POU2F3: variants seen among roughly 807,000 people sequenced by gnomAD.
The protein encoded by POU2F3 is POU class 2 homeobox 3.
In POU2F3, 23 loss-of-function variants were observed where a neutral mutation model predicts 59.2. That is an observed-to-expected ratio of 0.39 (90% confidence interval 0.28 to 0.55). The LOEUF is 0.55. Ranked by LOEUF, POU2F3 falls within the 20% of genes least tolerant of loss-of-function variation. The probability of loss-of-function intolerance (pLI) is 0.66; values close to 1 mark genes in which losing one functional copy is unlikely to be tolerated. For missense variants in POU2F3, 473 were observed against 544.5 expected (o/e 0.87, Z 1.31); for synonymous variants, 190 against 214.6 (o/e 0.89, Z 1.00).
At chr11:120,288,983 C>T (rs1318727062) in intron 3 of POU2F3, among the ~76,000 whole-genome samples, 1 of 152,158 alleles carries the variant, frequency 6.6e-6, no homozygotes, top group African/African-American at 2.4e-5. Context: ...TGAACTGTAA[C>T]ATTCTATATA....
intron 2 of POU2F3, among the ~76,000 whole-genome samples, chr11:120,267,873 G>C (rs73578212): frequency 3.2e-4 from 48 of 152,136 alleles, no homozygotes; most frequent in African/African-American, 1.0e-3. Flanking sequence ...ACCGTATTTA[G>C]TAAATAATTA....
rs562418549 is a variant in POU2F3, at chr11:120,269,301, A to G, written c.132+57A>G. 6 of 1,381,196 alleles carry G rather than the reference A, an allele frequency of 4.3e-6. No homozygotes were observed. In the East Asian group the frequency reaches 6.9e-5, roughly 16 times the overall value. 85.6% of individuals were successfully genotyped at this position (1,381,196 alleles called of 1,614,324 possible). A position where few individuals can be genotyped will look rare whatever the true frequency, so the allele number is the denominator to read the frequency against. On this transcript the variant is annotated intron_variant, in intron 3 of 12. Coordinates refer to ENST00000543440, the MANE Select transcript of POU2F3 (RefSeq NM_014352.4). ...TCTATAAAATTTGGGCATCACCTAT[A>G]CTGTCTGGTATGGAGGAAGACAAGA...
chr11:120,288,904 C>G (rs970815803), intron 3 of POU2F3, among the ~76,000 whole-genome samples: 2 of 137,758 alleles, frequency 1.5e-5, no homozygotes, highest in Non-Finnish European at 3.3e-5. Context: ...GATAATGTAC[C>G]TTTAAACCTC....
chr11:120,241,344 G>C (rs907627396), intron 1 of POU2F3, among the ~76,000 whole-genome samples: 1 of 152,206 alleles, frequency 6.6e-6, no homozygotes, highest in African/African-American at 2.4e-5. Flanking sequence ...AGGAGGCAAT[G>C]CTCCAGACCC....
chr11:120,299,758 A>G, intron 5 of POU2F3, 32 bp downstream of exon 5: 1 of 1,568,216 alleles, frequency 6.4e-7, no homozygotes, highest in Non-Finnish European at 8.7e-7. Flanking sequence ...ACCTAGACCA[A>G]GTCCAGTCAA....
chr11:120,311,373 A>C (rs760264965), intron 10 of POU2F3, among the ~76,000 whole-genome samples: 14 of 152,104 alleles, frequency 9.2e-5, no homozygotes, highest in Non-Finnish European at 1.6e-4. Flanking sequence ...CCAGCAGAGA[A>C]AGACTGAGGG....
chr11:120,287,301 C>T (rs1481956828), intron 3 of POU2F3, among the ~76,000 whole-genome samples: 1 of 152,168 alleles, frequency 6.6e-6, no homozygotes, highest in East Asian at 1.9e-4. Flanking sequence ...TATGCGAGGA[C>T]TGTCAAACGT....
intron 10 of POU2F3, among the ~76,000 whole-genome samples, chr11:120,311,497 A>C (rs57079746): frequency 3.0e-4 from 46 of 152,312 alleles, no homozygotes; most frequent in Middle Eastern, 3.4e-3. Flanking sequence ...GATGAAGAAA[A>C]GGGAATCCTC....
intron 3 of POU2F3, among the ~76,000 whole-genome samples, chr11:120,286,284 T>C (rs778753763): frequency 1.3e-5 from 2 of 152,216 alleles, no homozygotes; most frequent in African/African-American, 4.8e-5. Flanking sequence ...ATGAACTCCT[T>C]GAATTCGTTT....
chr11:120,290,359 T>C (rs998698664), intron 3 of POU2F3, among the ~76,000 whole-genome samples: 1 of 152,184 alleles, frequency 6.6e-6, no homozygotes, highest in African/African-American at 2.4e-5. Flanking sequence ...CACTTGTAAG[T>C]GTAGCCTGGA....
At chr11:120,248,906 T>C (rs1465552730) in intron 2 of POU2F3, among the ~76,000 whole-genome samples, 1 of 152,192 alleles carries the variant, frequency 6.6e-6, no homozygotes, top group African/African-American at 2.4e-5. Context: ...CAGCAGTGCA[T>C]GAATTAAGGG....
chr11:120,242,871 TA>T (rs1938722681), intron 1 of POU2F3, among the ~76,000 whole-genome samples: 1 of 152,036 alleles, frequency 6.6e-6, no homozygotes, highest in South Asian at 2.1e-4. Flanking sequence ...GCTCCCTGAC[TA>T]AAAACAGGCA....
chr11:120,309,318 C>G (rs765061341), intron 9 of POU2F3, 107 bp from the exon 10 acceptor site: 1 of 1,215,362 alleles, frequency 8.2e-7, no homozygotes, highest in Non-Finnish European at 1.2e-6. Flanking sequence ...AGGTCTGACT[C>G]TAAAGCTTTT....
intron 3 of POU2F3, among the ~76,000 whole-genome samples, chr11:120,272,840 G>A (rs965010518): frequency 6.6e-6 from 1 of 152,210 alleles, no homozygotes; most frequent in African/African-American, 2.4e-5. Context: ...TAGGGACTCA[G>A]AAGTCCTGGG....
chr11:120,243,974 A>G (rs1278112057), intron 1 of POU2F3, among the ~76,000 whole-genome samples: 2 of 152,148 alleles, frequency 1.3e-5, no homozygotes, highest in Non-Finnish European at 1.5e-5. Context: ...GATGAATGAG[A>G]GCTTCTGTGT....
At chr11:120,242,322 C>G (rs57859271) in intron 1 of POU2F3, among the ~76,000 whole-genome samples, 2,274 of 152,244 alleles carry the variant, frequency 0.015, 51 homozygotes, top group African/African-American at 0.052. Context: ...TGTTCAAGAT[C>G]TTCTTTGTAG....
chr11:120,315,306 T>C, intron 10 of POU2F3, 55 bp from the exon 11 acceptor site: 1 of 1,501,278 alleles, frequency 6.7e-7, no homozygotes, highest in South Asian at 1.1e-5. Flanking sequence ...GAGAGTGATC[T>C]GAAGTTGGAG....
intron 10 of POU2F3, 97 bp from the exon 11 acceptor site, chr11:120,315,264 G>T: frequency 8.7e-7 from 1 of 1,146,588 alleles, no homozygotes; most frequent in Non-Finnish European, 1.3e-6. Context: ...CCAAGCCCTG[G>T]TCTCTGTAGA....
chr11:120,287,347 C>T (rs1337216411), intron 3 of POU2F3, among the ~76,000 whole-genome samples: 1 of 152,190 alleles, frequency 6.6e-6, no homozygotes. Context: ...TTAATAAGCA[C>T]TTACTAAGTG....
Sources: allele counts gnomAD v4.1 joint callset (sites outside exome capture counted in the v4.1 genomes callset), GRCh38; gene constraint gnomAD v4.1.1; transcripts MANE v1.5; gene names NCBI Gene and HGNC (gene_info 2026-07-23, HGNC 2026-07-21).